The following SLC2A9 variants were observed in gnomAD, a reference collection of about 807,000 sequenced individuals.
The protein encoded by SLC2A9 is solute carrier family 2 member 9.
SLC2A9 carries 39 observed loss-of-function variants against 50.6 expected under a neutral mutation model. The observed-to-expected ratio is 0.77, with a 90% CI of 0.60 to 1.01. The LOEUF (loss-of-function observed/expected upper bound fraction) is 1.01, where lower values mean the gene tolerates loss of function less well. Among genes scored for constraint, SLC2A9 ranks in the 50% least tolerant of loss-of-function variants. The pLI is 0.00. For synonymous variants in SLC2A9, 324 were observed against 276.9 expected (o/e 1.17, Z -1.69); for missense variants, 686 against 677.6 (o/e 1.01, Z -0.14).
At chr4:9,883,458 C>T (rs1313730351) in intron 10 of SLC2A9, among the ~76,000 whole-genome samples, 4 of 152,312 alleles carry the variant, frequency 2.6e-5, no homozygotes, top group African/African-American at 9.6e-5. Context: ...CTGTGGACTT[C>T]AGTTTCTTCA....
At chr4:10,033,814 G>A (rs1764012205) in intron 1 of SLC2A9, among the ~76,000 whole-genome samples, 1 of 152,208 alleles carries the variant, frequency 6.6e-6, no homozygotes, top group South Asian at 2.1e-4. Flanking sequence ...CCCGGTGGTG[G>A]TGTCCGAAAT....
rs1053909321 is a variant in SLC2A9, at chr4:9,865,326, T to C, written c.1291+22241A>G. Among the ~76,000 whole-genome samples, 10 of 152,326 alleles carry C rather than the reference T, an allele frequency of 6.6e-5. No homozygotes were observed. In the East Asian group the frequency reaches 1.9e-3, roughly 29 times the overall value. On this transcript the variant is annotated intron_variant, in intron 10 of 11. Transcript: ENST00000264784. ...ACTTTCCAGTTCCAAATGCCAGAAG[T>C]GCTGAAGTCGAGAGACCCTGTCATA... is the stretch of plus-strand genomic sequence containing the variant.
chr4:9,944,370 T>A (rs758299596), intron 5 of SLC2A9, among the ~76,000 whole-genome samples: 1 of 152,256 alleles, frequency 6.6e-6, no homozygotes, highest in East Asian at 1.9e-4. Flanking sequence ...TTTTGGAATC[T>A]TAGTCAGTGG....
chr4:10,026,979 G>A (rs945597400), intron 1 of SLC2A9, among the ~76,000 whole-genome samples: 1 of 152,090 alleles, frequency 6.6e-6, no homozygotes, highest in African/African-American at 2.4e-5. Flanking sequence ...AGGAGGCAGA[G>A]GTTGCAGTGG....
At chr4:9,821,497 G>C (rs1289453181), downstream of SLC2A9, among the ~76,000 whole-genome samples, 2 of 152,134 alleles carry the variant, frequency 1.3e-5, no homozygotes, top group Non-Finnish European at 2.9e-5. Flanking sequence ...GGGCCTGTCA[G>C]GGGCTGGGGG....
At chr4:9,850,095 A>G (rs1022878076) in intron 10 of SLC2A9, among the ~76,000 whole-genome samples, 1 of 151,788 alleles carries the variant, frequency 6.6e-6, no homozygotes, top group African/African-American at 2.4e-5. Context: ...GCTGGGCTGA[A>G]GCAGGGAAGT....
At chr4:9,937,760 A>G (rs1208276829) in intron 6 of SLC2A9, among the ~76,000 whole-genome samples, 2 of 152,212 alleles carry the variant, frequency 1.3e-5, no homozygotes, top group African/African-American at 4.8e-5. Flanking sequence ...CAGGGCCTGA[A>G]GAGCCAGCTG....
At chr4:9,998,520 A>G (rs1759157604) in intron 2 of SLC2A9, among the ~76,000 whole-genome samples, 1 of 152,192 alleles carries the variant, frequency 6.6e-6, no homozygotes, top group Admixed American at 6.5e-5. Flanking sequence ...AAGACTGAGG[A>G]GTGACAAGCA....
intron 7 of SLC2A9, among the ~76,000 whole-genome samples, chr4:9,915,704 G>A (rs1560296707): frequency 6.6e-6 from 1 of 152,200 alleles, no homozygotes; most frequent in Non-Finnish European, 1.5e-5. Flanking sequence ...CTTGACCACA[G>A]TTCAGGGTGG....
At chr4:9,988,967 G>C (rs1757212260) in intron 3 of SLC2A9, among the ~76,000 whole-genome samples, 1 of 152,204 alleles carries the variant, frequency 6.6e-6, no homozygotes, top group Admixed American at 6.5e-5. Flanking sequence ...TTTGAATTTG[G>C]AAAGTACTTT....
chr4:9,931,216 C>G (rs912689993), intron 6 of SLC2A9, among the ~76,000 whole-genome samples: 8 of 152,206 alleles, frequency 5.3e-5, no homozygotes, highest in Non-Finnish European at 7.3e-5. Context: ...TCCCCACATT[C>G]TCCCTTCAAT....
At chr4:9,873,887 C>T (rs1733852665) in intron 10 of SLC2A9, among the ~76,000 whole-genome samples, 1 of 152,224 alleles carries the variant, frequency 6.6e-6, no homozygotes, top group African/African-American at 2.4e-5. Context: ...ATTCACTCTT[C>T]CCAAGCCTCT....
At chr4:9,888,055 G>T (rs1051928960) in intron 9 of SLC2A9, among the ~76,000 whole-genome samples, 1 of 144,932 alleles carries the variant, frequency 6.9e-6, no homozygotes, top group Non-Finnish European at 1.5e-5. Flanking sequence ...TCATAAGTGG[G>T]AGTTGAACAA....
intron 5 of SLC2A9, among the ~76,000 whole-genome samples, chr4:9,949,610 C>T (rs568413525): frequency 1.3e-5 from 2 of 152,284 alleles, no homozygotes; most frequent in African/African-American, 4.8e-5. Context: ...GGGGCTCTTT[C>T]CTTGACATTA....
intron 3 of SLC2A9, among the ~76,000 whole-genome samples, chr4:9,785,125 A>G (rs1024402427): frequency 6.6e-6 from 1 of 152,198 alleles, no homozygotes; most frequent in Non-Finnish European, 1.5e-5. Context: ...CATTAGGGGC[A>G]GTGAAAAGCA....
chr4:9,903,453 G>A (rs1423816921), intron 8 of SLC2A9, among the ~76,000 whole-genome samples: 1 of 152,044 alleles, frequency 6.6e-6, no homozygotes, highest in African/African-American at 2.4e-5. Flanking sequence ...ACGCTCACTG[G>A]AAGTTCACTC....
At position 9,908,329 on chromosome 4, in the gene SLC2A9, T is replaced by C. The variant is rs1305805702; in HGVS notation, c.1019A>G (p.Asn340Ser). 4 of 1,612,124 alleles carry C rather than the reference T, an allele frequency of 2.5e-6. No homozygotes were observed. Among genetic ancestry groups the C allele is most frequent in the Non-Finnish European group, 3.4e-6 (4 of 1,178,272 alleles). ...GATCCCAGCTTTTCCAAAGATGCTG[T>C]TGGTATAGAACCAAATCTGTAATTC... is the stretch of plus-strand genomic sequence containing the variant. Reference protein sequence around the residue: ...CGLNAIWFYTNSIFGKAGIPP... With the variant: ...CGLNAIWFYTSSIFGKAGIPP... The change falls in exon 8 of 12, where the codon AAC (asparagine) becomes AGC (serine). Residue 340 changes from asparagine to serine, a missense_variant. By Grantham distance (46) the Asn-to-Ser change is conservative. Transcript: ENST00000264784.
intron 3 of SLC2A9, among the ~76,000 whole-genome samples, chr4:9,793,273 T>G (rs1720189233): frequency 6.6e-6 from 1 of 152,234 alleles, no homozygotes. Context: ...ATTGTGCAGA[T>G]GCGGAAATTG....
chr4:9,997,608 G>A (rs568145082), intron 2 of SLC2A9, among the ~76,000 whole-genome samples: 172 of 152,266 alleles, frequency 1.1e-3, no homozygotes, highest in African/African-American at 4.1e-3. Flanking sequence ...GCTGAGGCAT[G>A]AGAATCTCTT....
Sources: gnomAD v4.1 joint callset for allele counts (sites outside exome capture counted in the v4.1 genomes callset) on GRCh38, gnomAD v4.1.1 for gene constraint, MANE v1.5 for transcripts, NCBI Gene and HGNC (gene_info 2026-07-23, HGNC 2026-07-21) for gene names.